The following LZTS1 variants were observed in gnomAD, a reference collection of about 807,000 sequenced individuals.
LZTS1 encodes leucine zipper tumor suppressor 1.
Under a neutral mutation model 45.8 loss-of-function variants are expected in LZTS1, and 31 were observed. The observed-to-expected ratio is 0.68, with a 90% CI of 0.51 to 0.91. The LOEUF is 0.91. LZTS1 is among the 40% of genes least tolerant of loss of function. The pLI, the probability that LZTS1 is intolerant of heterozygous loss-of-function variation, is 0.00. For synonymous variants in LZTS1, 359 were observed against 357.3 expected (o/e 1.00, Z -0.05); for missense variants, 821 against 788.9 (o/e 1.04, Z -0.49).
At chr8:20,272,801 C>T (rs1463706209) in intron 1 of LZTS1, among the ~76,000 whole-genome samples, 1 of 152,238 alleles carries the variant, frequency 6.6e-6, no homozygotes, top group Non-Finnish European at 1.5e-5. Flanking sequence ...ACTAATCCTT[C>T]CAGCCATGGC....
intron 1 of LZTS1, among the ~76,000 whole-genome samples, chr8:20,302,394 T>A (rs923202979): frequency 1.3e-5 from 2 of 152,294 alleles, no homozygotes; most frequent in South Asian, 4.1e-4. Flanking sequence ...AATACCCATA[T>A]GCGCACACTC....
At chr8:20,259,227 C>T (rs1430566938) in intron 1 of LZTS1, among the ~76,000 whole-genome samples, 1 of 151,994 alleles carries the variant, frequency 6.6e-6, no homozygotes, top group Non-Finnish European at 1.5e-5. Context: ...TCTTCATTTA[C>T]AAACTGAAAA....
chr8:20,271,184 T>C (rs1021873602), intron 1 of LZTS1, among the ~76,000 whole-genome samples: 2 of 152,136 alleles, frequency 1.3e-5, no homozygotes, highest in Admixed American at 6.5e-5. Flanking sequence ...TGTGTCTGGC[T>C]GAGGAATTTT....
chr8:20,253,381 T>C lies in LZTS1; in HGVS notation c.550A>G (p.Thr184Ala), dbSNP rs374260532. Residue 184 changes from threonine to alanine, a missense_variant, in exon 3 of 4, where the codon ACA becomes GCA. Physicochemically the swap from Thr to Ala is moderately conservative, Grantham distance 58. Transcript: ENST00000381569. ...TGGTAGCTGCTGCTGGTGCTGTGTG[T>C]GGGCAGGCTGGACATGGAGTTCCGG... ...SGRNSMSSLPTHSTSSSYQLD... is the reference protein window; with the variant it reads ...SGRNSMSSLPAHSTSSSYQLD... 3.6e-5 allele frequency: 58 copies of C among 1,612,988 alleles called. 1 individual carries two copies. Among genetic ancestry groups the C allele is most frequent in the Non-Finnish European group, 4.3e-5 (51 of 1,179,442 alleles).
intron 1 of LZTS1, among the ~76,000 whole-genome samples, chr8:20,294,012 C>A (rs1054069195): frequency 3.3e-5 from 5 of 152,030 alleles, no homozygotes; most frequent in Non-Finnish European, 5.9e-5. Context: ...AATAAAAGTT[C>A]TTGGCAGTGA....
chr8:20,283,098 C>A (rs1198767161), intron 1 of LZTS1, among the ~76,000 whole-genome samples: 1 of 152,138 alleles, frequency 6.6e-6, no homozygotes, highest in African/African-American at 2.4e-5. Context: ...CAGTGATCTC[C>A]CCAGTGGCTT....
chr8:20,258,258 G>A (rs1800151454), intron 1 of LZTS1, among the ~76,000 whole-genome samples: 1 of 152,162 alleles, frequency 6.6e-6, no homozygotes, highest in South Asian at 2.1e-4. Context: ...GTTCTTCGCT[G>A]AGCTCTAAAT....
At chr8:20,265,851 C>G (rs1800343473) in intron 1 of LZTS1, among the ~76,000 whole-genome samples, 1 of 152,092 alleles carries the variant, frequency 6.6e-6, no homozygotes, top group Non-Finnish European at 1.5e-5. Context: ...CTCCTCAGTG[C>G]TCAGCTCCCT....
chr8:20,257,238 T>A (rs1458379437), intron 1 of LZTS1, among the ~76,000 whole-genome samples: 2 of 152,072 alleles, frequency 1.3e-5, no homozygotes, highest in African/African-American at 4.8e-5. Flanking sequence ...CACGCACCTG[T>A]AGTCCCAGCT....
At chr8:20,266,250 C>T (rs1432225745) in intron 1 of LZTS1, among the ~76,000 whole-genome samples, 3 of 152,134 alleles carry the variant, frequency 2.0e-5, no homozygotes, top group Non-Finnish European at 4.4e-5. Context: ...TGGTCTCAAA[C>T]TCCTGGGCTC....
chr8:20,291,434 C>T (rs999751507), intron 1 of LZTS1, among the ~76,000 whole-genome samples: 1 of 152,210 alleles, frequency 6.6e-6, no homozygotes, highest in Non-Finnish European at 1.5e-5. Flanking sequence ...CTAACATTAA[C>T]TGAGCTTCTA....
intron 1 of LZTS1, among the ~76,000 whole-genome samples, chr8:20,277,651 G>A (rs1800610925): frequency 6.6e-6 from 1 of 152,186 alleles, no homozygotes; most frequent in Non-Finnish European, 1.5e-5. Flanking sequence ...TTTGTAGGCT[G>A]ATCTATGAGT....
intron 1 of LZTS1, among the ~76,000 whole-genome samples, chr8:20,260,507 C>T (rs1422247191): frequency 2.0e-5 from 3 of 152,192 alleles, no homozygotes; most frequent in Non-Finnish European, 4.4e-5. Flanking sequence ...GCTAAAATCG[C>T]ACGCTGCAAT....
chr8:20,290,932 G>C (rs992387921), intron 1 of LZTS1, among the ~76,000 whole-genome samples: 36 of 152,164 alleles, frequency 2.4e-4, no homozygotes, highest in African/African-American at 8.0e-4. Context: ...GCTTGAGATG[G>C]TATTGTGGGG....
At chr8:20,282,063 C>T (rs563051619) in intron 1 of LZTS1, among the ~76,000 whole-genome samples, 1 of 152,274 alleles carries the variant, frequency 6.6e-6, no homozygotes, top group South Asian at 2.1e-4. Context: ...GCAATCCCAC[C>T]ACCAAGCCTT....
intron 1 of LZTS1, among the ~76,000 whole-genome samples, chr8:20,274,356 T>C (rs1800532542): frequency 6.6e-6 from 1 of 152,174 alleles, no homozygotes; most frequent in Admixed American, 6.5e-5. Flanking sequence ...TAAAACACTC[T>C]ACACAGTGGG....
chr8:20,280,751 G>A (rs1308203467), intron 1 of LZTS1, among the ~76,000 whole-genome samples: 3 of 152,122 alleles, frequency 2.0e-5, no homozygotes, highest in African/African-American at 7.2e-5. Context: ...CATCACTCCG[G>A]ACAGACCCAG....
At chr8:20,262,110 C>T (rs1034199928) in intron 1 of LZTS1, among the ~76,000 whole-genome samples, 3 of 152,184 alleles carry the variant, frequency 2.0e-5, no homozygotes, top group East Asian at 3.9e-4. Context: ...CATTCCCCCC[C>T]AGAACTTTTG....
At chr8:20,264,418 T>G (rs1225725701) in intron 1 of LZTS1, among the ~76,000 whole-genome samples, 2 of 152,214 alleles carry the variant, frequency 1.3e-5, no homozygotes, top group Non-Finnish European at 2.9e-5. Flanking sequence ...AAAGCCCCGT[T>G]CCTTAAACTG....
Sources: gnomAD v4.1 joint callset for allele counts (sites outside exome capture counted in the v4.1 genomes callset) on GRCh38, gnomAD v4.1.1 for gene constraint, MANE v1.5 for transcripts, NCBI Gene and HGNC (gene_info 2026-07-23, HGNC 2026-07-21) for gene names.